The following FAT3 variants were observed in gnomAD, a reference collection of about 807,000 sequenced individuals.
The protein encoded by FAT3 is protocadherin Fat 3.
In FAT3, 95 loss-of-function variants were observed where a neutral mutation model predicts 310.2. The ratio of observed to expected loss-of-function variants is 0.31; its 90% CI spans 0.26 to 0.36. The LOEUF is 0.36. Among genes scored for constraint, FAT3 ranks in the 10% least tolerant of loss-of-function variants. The probability of loss-of-function intolerance (pLI) is 1.00; values close to 1 mark genes in which losing one functional copy is unlikely to be tolerated. For synonymous variants in FAT3, 2,314 were observed against 2,192.9 expected, an observed-to-expected ratio of 1.06 and a Z score of -1.54; for missense variants, 5,408 against 5,715.6, an observed-to-expected ratio of 0.95 and a Z score of 1.74.
chr11:92,697,890 A>G (rs1943986725), intron 4 of FAT3, among the ~76,000 whole-genome samples: 1 of 152,198 alleles, frequency 6.6e-6, no homozygotes, highest in Admixed American at 6.5e-5. Flanking sequence ...ACTGCCAGAG[A>G]TGACTATTGC....
intron 1 of FAT3, among the ~76,000 whole-genome samples, chr11:92,301,708 T>C (rs1947002668): frequency 6.6e-6 from 1 of 152,100 alleles, no homozygotes; most frequent in Admixed American, 6.6e-5. Context: ...GAGCTTGCAA[T>C]TTGTTTCACA....
intron 3 of FAT3, among the ~76,000 whole-genome samples, chr11:92,561,538 G>A (rs149991055): frequency 0.013 from 2,044 of 151,764 alleles, 123 homozygotes; most frequent in Admixed American, 0.097. Context: ...TCCTTCTTTC[G>A]TTTTCTCAGA....
At chr11:92,845,615 A>G (rs1397318754) in intron 19 of FAT3, among the ~76,000 whole-genome samples, 1 of 152,184 alleles carries the variant, frequency 6.6e-6, no homozygotes, top group African/African-American at 2.4e-5. Context: ...GATGAGAAGC[A>G]TTGCCCTCTC....
rs1955539015 is a variant in FAT3 at position 92,568,176 on chromosome 11, A to G, written c.3607+43228A>G. Reference sequence around the variant, plus strand: ...TCAATAAGGTGTCTGTCATTATGCAAATCAACCTGTTAGTAGAGAATCAGC... The same window carrying G: ...TCAATAAGGTGTCTGTCATTATGCAGATCAACCTGTTAGTAGAGAATCAGC... On this transcript the variant is annotated intron_variant, in intron 3 of 27. Coordinates refer to ENST00000525166, the MANE Select transcript of FAT3 (RefSeq NM_001367949.2). 5.9e-5 allele frequency among the ~76,000 whole-genome samples: 9 copies of G among 152,302 alleles called. No individual in the cohort carries two copies. The South Asian group carries it at 1.9e-3, about 32-fold the overall frequency.
At chr11:92,501,319 G>A (rs1016080823) in intron 2 of FAT3, among the ~76,000 whole-genome samples, 1 of 152,048 alleles carries the variant, frequency 6.6e-6, no homozygotes, top group Non-Finnish European at 1.5e-5. Context: ...TTGTGGTCTA[G>A]GTCAGCAAAT....
rs564849648 is a variant in FAT3 at position 92,698,109 on chromosome 11, A to G, written c.3669+664A>G. On this transcript the variant is annotated intron_variant, in intron 4 of 27. Transcript: ENST00000525166. ...GTAGTTTGTATGACACCGTGATTTA[A>G]TTGTGACTGTGTGATATGAAACAGA... Among the ~76,000 whole-genome samples, 390 of 152,294 alleles carry G rather than the reference A, an allele frequency of 2.6e-3. 2 individuals are homozygous for G. The highest frequency in any genetic ancestry group is 4.6e-3 in the Non-Finnish European group (312 of 68,024).
At chr11:92,267,526 G>A (rs1946000244) in intron 1 of FAT3, among the ~76,000 whole-genome samples, 1 of 151,494 alleles carries the variant, frequency 6.6e-6, no homozygotes, top group African/African-American at 2.4e-5. Context: ...CTTGGGAACA[G>A]TAGCTTTTAG....
intron 2 of FAT3, among the ~76,000 whole-genome samples, chr11:92,462,050 T>C (rs1461034839): frequency 3.3e-5 from 5 of 152,222 alleles, no homozygotes; most frequent in Non-Finnish European, 5.9e-5. Flanking sequence ...ATGAATATTT[T>C]TTTGTGGTAT....
chr11:92,719,762 G>GTGTGTGTGTGTGTGTA, intron 4 of FAT3, among the ~76,000 whole-genome samples: 1 of 146,762 alleles, frequency 6.8e-6, no homozygotes, highest in East Asian at 1.9e-4. Flanking sequence ...GTGTGTGTGT[G>GTGTGTGTGTGTGTGTA]TGTGTGTGTA....
intron 3 of FAT3, among the ~76,000 whole-genome samples, chr11:92,565,722 G>A (rs1340975757): frequency 1.6e-4 from 24 of 151,332 alleles, no homozygotes; most frequent in Admixed American, 5.3e-4. Flanking sequence ...GGGATGCAAG[G>A]CTGGTTCAAT....
intron 2 of FAT3, among the ~76,000 whole-genome samples, chr11:92,403,670 G>T (rs577228780): frequency 6.6e-6 from 1 of 152,130 alleles, no homozygotes. Context: ...CCAGGGCGGG[G>T]GAATGTGTAG....
chr11:92,565,731 A>G (rs982790259), intron 3 of FAT3, among the ~76,000 whole-genome samples: 1 of 151,794 alleles, frequency 6.6e-6, no homozygotes, highest in Non-Finnish European at 1.5e-5. Flanking sequence ...GGCTGGTTCA[A>G]TATACACAAA....
rs1466372322 is a variant in FAT3, at chr11:92,882,859, CT to C, written c.12404del (p.Leu4135ArgfsTer39). 1.2e-6 allele frequency: 2 copies of C among 1,612,068 alleles called. No individual in the cohort carries two copies. The highest frequency in any genetic ancestry group is 1.7e-6 in the Non-Finnish European group (2 of 1,179,372). ...TPGYVGQYCGLRPVVVPNIQA... is the reference protein window; with the variant it reads ...TPGYVGQYCGXRPVVVPNIQA... ...GGGCTACGTGGGCCAGTACTGCGGG[CT>C]GCGCCCCGTGGTGGTACCCAATATC... On this transcript the variant is annotated frameshift_variant, in exon 24 of 28. Transcript: ENST00000525166. LOFTEE classifies it high-confidence loss of function.
chr11:92,517,604 A>G (rs1226256237), intron 2 of FAT3, among the ~76,000 whole-genome samples: 1 of 152,236 alleles, frequency 6.6e-6, no homozygotes, highest in Non-Finnish European at 1.5e-5. Flanking sequence ...AGTGGCAACA[A>G]AAGCCAAAAT....
At chr11:92,614,169 C>T (rs1308729228) in intron 3 of FAT3, among the ~76,000 whole-genome samples, 1 of 151,912 alleles carries the variant, frequency 6.6e-6, no homozygotes. Context: ...GGGACTGTTT[C>T]CATGTTTTTT....
chr11:92,454,225 A>G (rs1167642696), intron 2 of FAT3, among the ~76,000 whole-genome samples: 1 of 152,194 alleles, frequency 6.6e-6, no homozygotes, highest in Non-Finnish European at 1.5e-5. Context: ...ACACATGACT[A>G]ATGGCTACCA....
intron 14 of FAT3, among the ~76,000 whole-genome samples, chr11:92,833,434 G>A (rs940693503): frequency 6.6e-6 from 1 of 152,158 alleles, no homozygotes; most frequent in Non-Finnish European, 1.5e-5. Flanking sequence ...ATTTAACATG[G>A]CAAATATACC....
intron 4 of FAT3, among the ~76,000 whole-genome samples, chr11:92,740,093 G>A (rs183663630): frequency 6.6e-6 from 1 of 152,234 alleles, no homozygotes; most frequent in African/African-American, 2.4e-5. Context: ...GCTTCTAGTA[G>A]GGAGTTAACT....
rs149400812 is a variant in FAT3, at chr11:92,877,161, AAAG to A, written c.12128-3566_12128-3564del. ...ACAGGTGGTAAGGAAGAGAGAGAGA[AAAG>A]AAGCTCTTAGAGACCTAAATTCCAG... On this transcript the variant is annotated intron_variant, in intron 22 of 27. Coordinates refer to ENST00000525166, the MANE Select transcript of FAT3 (RefSeq NM_001367949.2). 4.5e-4 allele frequency among the ~76,000 whole-genome samples: 69 copies of A among 152,312 alleles called. 2 individuals carry two copies. In the East Asian group the frequency reaches 0.013, roughly 28 times the overall value.
Sources: gnomAD v4.1 joint callset for allele counts (sites outside exome capture counted in the v4.1 genomes callset) on GRCh38, gnomAD v4.1.1 for gene constraint, MANE v1.5 for transcripts, NCBI Gene and HGNC (gene_info 2026-07-23, HGNC 2026-07-21) for gene names.